FMN1: variants seen among roughly 807,000 people sequenced by gnomAD.
The protein encoded by FMN1 is formin-1.
Under a neutral mutation model 132.4 loss-of-function variants are expected in FMN1, and 110 were observed. That is an observed-to-expected ratio of 0.83 (90% CI 0.71 to 0.97). The LOEUF (loss-of-function observed/expected upper bound fraction) is 0.97, where lower values mean the gene tolerates loss of function less well. FMN1 is among the 50% of genes least tolerant of loss of function. The pLI is 0.00. For missense variants in FMN1, 1,792 were observed against 1,705.3 expected (o/e 1.05, Z -0.90); for synonymous variants, 722 against 651.7 (o/e 1.11, Z -1.64).
intron 10 of FMN1, among the ~76,000 whole-genome samples, chr15:32,921,581 C>T (rs1350009909): frequency 6.6e-6 from 1 of 152,094 alleles, no homozygotes; most frequent in Non-Finnish European, 1.5e-5. Context: ...TATTCATGAT[C>T]TTCCTGGTCT....
chr15:33,078,857 G>A (rs1318495379), intron 5 of FMN1, among the ~76,000 whole-genome samples: 2 of 152,136 alleles, frequency 1.3e-5, no homozygotes, highest in Non-Finnish European at 2.9e-5. Flanking sequence ...AATGACGTAC[G>A]TAGCAAGAGA....
intron 3 of FMN1, among the ~76,000 whole-genome samples, chr15:33,161,735 G>A (rs945760714): frequency 2.6e-4 from 39 of 152,030 alleles, no homozygotes; most frequent in Non-Finnish European, 3.8e-4. Context: ...TGGCCAACAC[G>A]GTGAAACCCC....
intron 7 of FMN1, among the ~76,000 whole-genome samples, chr15:32,976,815 G>C (rs1251907904): frequency 2.6e-5 from 4 of 152,166 alleles, no homozygotes; most frequent in Admixed American, 2.6e-4. Flanking sequence ...TGTAAAAATG[G>C]TGCTGACCTC....
At chr15:33,096,403 A>C (rs2039086336) in intron 4 of FMN1, among the ~76,000 whole-genome samples, 1 of 152,158 alleles carries the variant, frequency 6.6e-6, no homozygotes, top group African/African-American at 2.4e-5. Context: ...ATCTGGAATT[A>C]AAGTGATGAA....
In FMN1 at chr15:33,015,905, G is replaced by A. The variant is rs1470465228; in HGVS notation, c.2162-7830C>T. ...GTGATTTCACTGATAATGCTTCCCAGATAGTGTTGATCGGAGTTTGGTCCC... is the reference window on the plus strand; with the variant it reads ...GTGATTTCACTGATAATGCTTCCCAAATAGTGTTGATCGGAGTTTGGTCCC... On this transcript the variant is annotated intron_variant, in intron 6 of 20. Transcript: ENST00000616417. Among the ~76,000 whole-genome samples the A allele has an allele frequency of 2.6e-5, 4 of 152,200 alleles. No individual in the cohort carries two copies. The South Asian group carries it at 8.3e-4, about 31-fold the overall frequency.
At chr15:33,188,108 G>C (rs574376918) in intron 2 of FMN1, among the ~76,000 whole-genome samples, 1 of 152,236 alleles carries the variant, frequency 6.6e-6, no homozygotes, top group South Asian at 2.1e-4. Flanking sequence ...GCCGAGGCGG[G>C]CAGATCACAA....
chr15:32,789,923 A>G (rs947954417), intron 19 of FMN1, among the ~76,000 whole-genome samples: 2 of 152,248 alleles, frequency 1.3e-5, no homozygotes, highest in African/African-American at 4.8e-5. Flanking sequence ...TATGCCATAC[A>G]GCCTAGGTGT....
At chr15:33,070,320 T>G (rs1298562352) in intron 5 of FMN1, among the ~76,000 whole-genome samples, 1 of 151,380 alleles carries the variant, frequency 6.6e-6, no homozygotes, top group Non-Finnish European at 1.5e-5. Context: ...TCAGTCTTCT[T>G]ACGAGCAATG....
intron 5 of FMN1, among the ~76,000 whole-genome samples, chr15:33,079,757 C>G (rs936596587): frequency 2.6e-5 from 4 of 152,244 alleles, no homozygotes; most frequent in African/African-American, 9.6e-5. Flanking sequence ...TCCTTCACAT[C>G]AATTTCCAGA....
chr15:33,045,813 A>G (rs182255777), intron 6 of FMN1, among the ~76,000 whole-genome samples: 2 of 152,292 alleles, frequency 1.3e-5, no homozygotes, highest in East Asian at 3.9e-4. Context: ...TTTCGTGCAC[A>G]TGTAGGTAGG....
At chr15:32,816,056 T>C (rs1231941626) in intron 17 of FMN1, among the ~76,000 whole-genome samples, 1 of 152,128 alleles carries the variant, frequency 6.6e-6, no homozygotes, top group Admixed American at 6.5e-5. Flanking sequence ...ATTAGTTAAG[T>C]AAATACCGAT....
At chr15:32,855,462 T>A (rs3887107) in intron 17 of FMN1, among the ~76,000 whole-genome samples, 75,918 of 152,052 alleles carry the variant, frequency 0.5, 20,705 homozygotes, top group Non-Finnish European at 0.61. Context: ...TAACACATTA[T>A]CCCAAATGGG....
At chr15:32,861,687 G>A (rs959471672) in intron 16 of FMN1, among the ~76,000 whole-genome samples, 2 of 152,182 alleles carry the variant, frequency 1.3e-5, no homozygotes, top group African/African-American at 4.8e-5. Flanking sequence ...GGGATTATTT[G>A]CTACAGATGC....
intron 16 of FMN1, among the ~76,000 whole-genome samples, chr15:32,862,603 C>T (rs1026719282): frequency 6.6e-6 from 1 of 152,098 alleles, no homozygotes; most frequent in Admixed American, 6.5e-5. Flanking sequence ...TTTTTCACCC[C>T]TAAGAACAAG....
intron 9 of FMN1, among the ~76,000 whole-genome samples, chr15:32,957,519 G>T (rs1455562347): frequency 6.6e-6 from 1 of 151,942 alleles, no homozygotes; most frequent in Non-Finnish European, 1.5e-5. Context: ...ATGTCCGAAT[G>T]TATCACTAAC....
intron 7 of FMN1, among the ~76,000 whole-genome samples, chr15:32,985,661 T>C (rs931360720): frequency 6.6e-6 from 1 of 152,124 alleles, no homozygotes; most frequent in Non-Finnish European, 1.5e-5. Flanking sequence ...GCTAAGTGCA[T>C]AGCTGACTGT....
intron 2 of FMN1, among the ~76,000 whole-genome samples, 185 bp from the exon 3 acceptor site, chr15:33,180,447 C>A (rs1965657579): frequency 6.6e-6 from 1 of 152,156 alleles, no homozygotes; most frequent in African/African-American, 2.4e-5. Context: ...ACGATCCTGC[C>A]TCTTCCGTGA....
At chr15:33,121,074 G>A (rs1295272014) in intron 4 of FMN1, among the ~76,000 whole-genome samples, 1 of 152,032 alleles carries the variant, frequency 6.6e-6, no homozygotes, top group Non-Finnish European at 1.5e-5. Context: ...CCTTCCACAT[G>A]GGACAGATGA....
intron 9 of FMN1, among the ~76,000 whole-genome samples, chr15:32,935,768 C>T (rs1257917363): frequency 1.3e-5 from 2 of 152,092 alleles, no homozygotes; most frequent in East Asian, 3.9e-4. Flanking sequence ...GCTGGGATTA[C>T]AGGCGTGCGC....
Sources: gnomAD v4.1 joint callset for allele counts (sites outside exome capture counted in the v4.1 genomes callset) on GRCh38, gnomAD v4.1.1 for gene constraint, MANE v1.5 for transcripts, NCBI Gene and HGNC (gene_info 2026-07-23, HGNC 2026-07-21) for gene names.